Variants in FOXP1 observed in about 807,000 individuals in gnomAD.
FOXP1 encodes forkhead box P1, also known as forkhead box protein P1.
A neutral mutation model predicts 98.2 loss-of-function variants in FOXP1; 15 were observed. The ratio of observed to expected loss-of-function variants is 0.15; its 90% confidence interval spans 0.10 to 0.24. The LOEUF (loss-of-function observed/expected upper bound fraction) is 0.24. FOXP1 is among the 10% of genes least tolerant of loss of function. FOXP1 has a pLI of 1.00. For missense variants in FOXP1, 633 were observed against 848.5 expected, an observed-to-expected ratio of 0.75 and a Z score of 3.15; for synonymous variants, 371 against 314.5, an observed-to-expected ratio of 1.18 and a Z score of -1.90.
At chr3:71,236,867 T>C (rs1277661580) in intron 5 of FOXP1, among the ~76,000 whole-genome samples, 1 of 146,842 alleles carries the variant, frequency 6.8e-6, no homozygotes, top group Non-Finnish European at 1.5e-5. Flanking sequence ...AGCGAGATCC[T>C]GTCTTAAGGA....
At chr3:71,312,077 T>C (rs1212010636) in intron 4 of FOXP1, among the ~76,000 whole-genome samples, 3 of 152,350 alleles carry the variant, frequency 2.0e-5, no homozygotes, top group South Asian at 2.1e-4. Flanking sequence ...CAGGCTGTTA[T>C]GTTAATAATA....
At chr3:71,202,445 T>C (rs2063735950) in intron 5 of FOXP1, among the ~76,000 whole-genome samples, 1 of 152,204 alleles carries the variant, frequency 6.6e-6, no homozygotes, top group South Asian at 2.1e-4. Flanking sequence ...AATATTTCTA[T>C]CAAACGTTCC....
intron 6 of FOXP1, among the ~76,000 whole-genome samples, chr3:71,137,536 T>G (rs924585513): frequency 6.6e-6 from 1 of 152,146 alleles, no homozygotes; most frequent in Non-Finnish European, 1.5e-5. Context: ...CTGTTCTGAT[T>G]GTGGAAATCA....
rs772162873 is a variant in FOXP1 at position 70,959,280 on chromosome 3, G to A, written c.2001C>T (p.Tyr667=). 35 of 1,612,816 alleles carry A rather than the reference G, an allele frequency of 2.2e-5. No homozygotes were observed. The highest frequency in any genetic ancestry group is 1.6e-4 in the Middle Eastern group (1 of 6,082). The part of the protein sequence containing the change: ...HSPDFDHDRD[Y]EDEPVNEDME ...TGTCCTCGTTTACTGGTTCATCTTCGTAATCTCTGTCATGGTCAAAATCTG... is the reference window on the plus strand; with the variant it reads ...TGTCCTCGTTTACTGGTTCATCTTCATAATCTCTGTCATGGTCAAAATCTG... Residue 667 remains tyrosine (Y), a synonymous_variant, in exon 21 of 21, where the codon TAC becomes TAT. Coordinates refer to ENST00000649528, the MANE Select transcript of FOXP1 (RefSeq NM_001349338.3).
At chr3:71,312,932 A>C (rs994819102) in intron 4 of FOXP1, among the ~76,000 whole-genome samples, 4 of 152,194 alleles carry the variant, frequency 2.6e-5, no homozygotes, top group Admixed American at 2.6e-4. Context: ...AAGAGGTTGC[A>C]GTGAGCTGAG....
intron 3 of FOXP1, among the ~76,000 whole-genome samples, chr3:71,441,596 T>C (rs1441792193): frequency 6.6e-6 from 1 of 152,172 alleles, no homozygotes; most frequent in Middle Eastern, 3.2e-3. Flanking sequence ...CAGGGAACCA[T>C]TTGGAGAGGT....
At chr3:70,979,406 T>G (rs2107351443) in intron 14 of FOXP1, among the ~76,000 whole-genome samples, 1 of 148,032 alleles carries the variant, frequency 6.8e-6, no homozygotes, top group South Asian at 2.3e-4. Flanking sequence ...CTAAAAGGCA[T>G]AACCCTTCCC....
At chr3:70,979,920 T>C (rs1408857140) in intron 14 of FOXP1, among the ~76,000 whole-genome samples, 1 of 151,974 alleles carries the variant, frequency 6.6e-6, no homozygotes, top group Non-Finnish European at 1.5e-5. Flanking sequence ...AACATGGCGC[T>C]GGAAACAGAA....
In FOXP1 at chr3:71,434,631, G is replaced by GTTGTGTGT. The variant is rs376887775; in HGVS notation, c.-168+58794_-168+58795insACACACAA. 1.5e-3 allele frequency among the ~76,000 whole-genome samples: 218 copies of GTTGTGTGT among 142,340 alleles called. 1 individual carries two copies. The highest frequency in any genetic ancestry group is 5.4e-3 in the African/African-American group (206 of 37,896). The allele number at this position is 142,340 out of a possible 152,430, so 93.4% of individuals were successfully genotyped here. On this transcript the variant is annotated intron_variant, in intron 3 of 20. Transcript: ENST00000649528. ...CACGGTGACCCTCATGAGGGGATGG[G>GTTGTGTGT]GTGTGTGTGTGTGTGTGTGTGTGTG...
At chr3:71,184,596 A>G (rs1035122678) in intron 6 of FOXP1, among the ~76,000 whole-genome samples, 3 of 152,192 alleles carry the variant, frequency 2.0e-5, no homozygotes, top group Admixed American at 1.3e-4. Flanking sequence ...CCAGGGACAT[A>G]CTGGGAAGCA....
chr3:71,303,932 T>C (rs1043257795), intron 4 of FOXP1, among the ~76,000 whole-genome samples: 1 of 152,152 alleles, frequency 6.6e-6, no homozygotes, highest in Non-Finnish European at 1.5e-5. Context: ...AGAGGCAAAC[T>C]TGGACGCTAC....
intron 3 of FOXP1, among the ~76,000 whole-genome samples, chr3:71,475,807 A>C (rs904650609): frequency 1.3e-5 from 2 of 151,958 alleles, no homozygotes; most frequent in African/African-American, 2.4e-5. Context: ...GTGCCACTGC[A>C]CTCTAGCCTG....
intron 2 of FOXP1, chr3:71,572,344 T>C (rs1374194115): frequency 2.0e-5 from 3 of 152,248 alleles, no homozygotes; most frequent in Non-Finnish European, 4.4e-5. Flanking sequence ...TCAGGACTGA[T>C]GGTTTCTTAT....
In FOXP1 at chr3:70,955,832, G is replaced by GCACACACACACA. The variant is rs143202281; in HGVS notation, c.*3403_*3414dup. On this transcript the variant is annotated 3_prime_UTR_variant, in exon 21 of 21. Coordinates refer to ENST00000649528, the MANE Select transcript of FOXP1 (RefSeq NM_001349338.3). ...AACAGATTAACACACACGCACGCGC[G>GCACACACACACA]CACACACACACACACACACACACAA... The GCACACACACACA allele has an allele frequency of 8.4e-3, 1,856 of 221,482 alleles. 15 individuals carry two copies. Among genetic ancestry groups the GCACACACACACA allele is most frequent in the East Asian group, 0.078 (1,243 of 15,948 alleles). 13.7% of individuals were successfully genotyped at this position (221,482 alleles called of 1,614,324 possible).
chr3:70,991,051 A>AT (rs2040522083), intron 13 of FOXP1, among the ~76,000 whole-genome samples: 1 of 50,668 alleles, frequency 2.0e-5, no homozygotes, highest in South Asian at 1.0e-3. Context: ...ACAACTTTCT[A>AT]ATTTTTTTTT....
intron 5 of FOXP1, among the ~76,000 whole-genome samples, chr3:71,252,666 C>T (rs1323607522): frequency 6.6e-6 from 1 of 152,178 alleles, no homozygotes; most frequent in East Asian, 1.9e-4. Context: ...CCTTACTTGA[C>T]AGGTACTATG....
At chr3:71,308,787 GTGTGTGTGTGTGTGTGTGT>G (rs2074475244) in intron 4 of FOXP1, among the ~76,000 whole-genome samples, 2 of 151,188 alleles carry the variant, frequency 1.3e-5, no homozygotes, top group Admixed American at 6.6e-5. Flanking sequence ...GTGTGTGTGT[GTGTGTGTGTGTGTGTGTGT>G]GGGTGAGGGG....
intron 3 of FOXP1, among the ~76,000 whole-genome samples, chr3:71,397,123 T>TAC (rs2081588141): frequency 1.5e-5 from 2 of 130,324 alleles, no homozygotes; most frequent in Admixed American, 8.2e-5. Context: ...TGTGTATATA[T>TAC]ACACATTTAA....
chr3:71,151,779 C>T (rs1271637471), intron 6 of FOXP1, among the ~76,000 whole-genome samples: 1 of 151,612 alleles, frequency 6.6e-6, no homozygotes, highest in African/African-American at 2.4e-5. Flanking sequence ...AAGTAGCCTG[C>T]TACTCACAAG....
Sources: gnomAD v4.1 joint callset for allele counts (sites outside exome capture counted in the v4.1 genomes callset) on GRCh38, gnomAD v4.1.1 for gene constraint, MANE v1.5 for transcripts, NCBI Gene and HGNC (gene_info 2026-07-23, HGNC 2026-07-21) for gene names.